BNC2: variants seen among roughly 807,000 people sequenced by gnomAD.
BNC2 encodes basonuclin zinc finger protein 2, also known as zinc finger protein basonuclin-2.
A neutral mutation model predicts 76.3 loss-of-function variants in BNC2; 20 were observed. The observed-to-expected ratio is 0.26, with a 90% CI of 0.18 to 0.38. The LOEUF is 0.38. Ranked by LOEUF, BNC2 falls within the 10% of genes least tolerant of loss-of-function variation. The pLI is 1.00. For missense variants in BNC2, 1,382 were observed against 1,399.8 expected (o/e 0.99, Z 0.20); for synonymous variants, 582 against 514.8 (o/e 1.13, Z -1.77).
intron 3 of BNC2, among the ~76,000 whole-genome samples, chr9:16,699,496 G>C (rs1823444193): frequency 6.6e-6 from 1 of 152,170 alleles, no homozygotes; most frequent in South Asian, 2.1e-4. Context: ...ACTTCTGCAA[G>C]AGTGACACAA....
At chr9:16,628,924 T>C (rs1821078840) in intron 3 of BNC2, among the ~76,000 whole-genome samples, 1 of 152,284 alleles carries the variant, frequency 6.6e-6, no homozygotes, top group South Asian at 2.1e-4. Context: ...CTGAAGGCAA[T>C]AAGTAATTAA....
In BNC2 at chr9:16,412,856, C is replaced by T. The variant is rs1263686884; in HGVS notation, c.*6133G>A. ...AATTTCTCCTTCACAAGGGGATAAA[C>T]AGGCAATTACGCATCCTTTTATATT... On this transcript the variant is annotated 3_prime_UTR_variant, in exon 7 of 7. Transcript: ENST00000380672. The T allele has an allele frequency of 6.6e-6, 1 of 152,496 alleles. No individual in the cohort carries two copies. The highest frequency in any genetic ancestry group is 1.5e-5 in the Non-Finnish European group (1 of 68,036). 9.4% of individuals were successfully genotyped at this position (152,496 alleles called of 1,614,324 possible). A position where few individuals can be genotyped will look rare whatever the true frequency, so the allele number is the denominator to read the frequency against.
At chr9:16,503,196 C>G (rs10119373) in intron 5 of BNC2, among the ~76,000 whole-genome samples, 2,201 of 152,170 alleles carry the variant, frequency 0.014, 53 homozygotes, top group African/African-American at 0.05. Flanking sequence ...CTCCTCCAGC[C>G]CCCTCCCACA....
chr9:16,584,444 C>T lies in BNC2; in HGVS notation c.331-1359G>A, dbSNP rs551936670. On this transcript the variant is annotated intron_variant, in intron 3 of 6. Coordinates refer to ENST00000380672, the MANE Select transcript of BNC2 (RefSeq NM_017637.6). ...AGGCAAGTGTAAAATATTTCTCTTC[C>T]ATTAATTAATATTAAATCTATGGAT... 4.4e-3 allele frequency among the ~76,000 whole-genome samples: 670 copies of T among 152,244 alleles called. 3 individuals are homozygous for T. The highest frequency in any genetic ancestry group is 0.015 in the African/African-American group (629 of 41,552).
chr9:16,453,223 T>G (rs1201223127), intron 5 of BNC2, among the ~76,000 whole-genome samples: 1 of 152,198 alleles, frequency 6.6e-6, no homozygotes, highest in Non-Finnish European at 1.5e-5. Context: ...GAGATACTAT[T>G]ATCAAACCCA....
chr9:16,612,251 CAATT>C (rs1246722880), intron 3 of BNC2, among the ~76,000 whole-genome samples: 1 of 152,074 alleles, frequency 6.6e-6, no homozygotes, highest in Non-Finnish European at 1.5e-5. Context: ...CACAAATAAA[CAATT>C]AATAGAATGG....
At chr9:16,517,507 G>C (rs1817475864) in intron 5 of BNC2, among the ~76,000 whole-genome samples, 1 of 152,162 alleles carries the variant, frequency 6.6e-6, no homozygotes, top group Admixed American at 6.5e-5. Context: ...TTGCCAGAAA[G>C]AAGGGGCAGT....
chr9:16,692,856 G>A (rs1382545634), intron 3 of BNC2, among the ~76,000 whole-genome samples: 4 of 152,088 alleles, frequency 2.6e-5, no homozygotes, highest in African/African-American at 4.8e-5. Flanking sequence ...GGTGCTGGGC[G>A]TCGTGGCTCA....
At chr9:16,517,514 C>A (rs1313501882) in intron 5 of BNC2, among the ~76,000 whole-genome samples, 1 of 152,056 alleles carries the variant, frequency 6.6e-6, no homozygotes, top group African/African-American at 2.4e-5. Flanking sequence ...AAAGAAGGGG[C>A]AGTGGGAGGG....
intron 1 of BNC2, among the ~76,000 whole-genome samples, chr9:16,772,663 T>G (rs1825862210): frequency 6.6e-6 from 1 of 152,180 alleles, no homozygotes; most frequent in South Asian, 2.1e-4. Flanking sequence ...CATTACACAT[T>G]TTTTTAAAGT....
At chr9:16,424,307 A>C (rs897785604) in intron 6 of BNC2, among the ~76,000 whole-genome samples, 1 of 152,082 alleles carries the variant, frequency 6.6e-6, no homozygotes, top group Non-Finnish European at 1.5e-5. Context: ...ATTAGAAAGT[A>C]AGACTGTGGC....
chr9:16,866,058 C>T (rs1819536322), intron 1 of BNC2, among the ~76,000 whole-genome samples: 3 of 152,088 alleles, frequency 2.0e-5, no homozygotes, highest in Admixed American at 2.0e-4. Context: ...ATATTATTTA[C>T]TTAAATGATA....
chr9:16,840,469 C>A (rs1818799510), intron 1 of BNC2, among the ~76,000 whole-genome samples: 1 of 152,186 alleles, frequency 6.6e-6, no homozygotes, highest in African/African-American at 2.4e-5. Context: ...TAAAGCTTGA[C>A]CTTTGCTTCT....
At chr9:16,728,117 G>C (rs1824404111) in intron 2 of BNC2, 120 bp from the exon 3 acceptor site, 1 of 694,470 alleles carries the variant, frequency 1.4e-6, no homozygotes, top group Non-Finnish European at 2.6e-6. Context: ...GGGGGAGGGA[G>C]GGGGTCAGAG....
intron 5 of BNC2, among the ~76,000 whole-genome samples, chr9:16,480,480 G>A (rs1162553777): frequency 2.0e-5 from 3 of 152,228 alleles, no homozygotes; most frequent in African/African-American, 7.2e-5. Flanking sequence ...GCCAGAGCCG[G>A]CTCCCTCGGC....
intron 5 of BNC2, among the ~76,000 whole-genome samples, chr9:16,477,328 T>A (rs907248850): frequency 6.6e-6 from 1 of 152,110 alleles, no homozygotes; most frequent in African/African-American, 2.4e-5. Flanking sequence ...GGGTCTAGTA[T>A]TGGCTTTTAA....
intron 1 of BNC2, among the ~76,000 whole-genome samples, chr9:16,776,330 G>A (rs1188557329): frequency 1.3e-5 from 2 of 152,004 alleles, no homozygotes; most frequent in Non-Finnish European, 2.9e-5. Flanking sequence ...AGTAGAGACG[G>A]GGTTTCACCA....
rs535119758 is a variant in BNC2, at chr9:16,743,434, G to GT, written c.4-4950dup. ...GAAAGAGGACCTTCCATTCTAGAAT[G>GT]TATTCTAGGCCTTCAAAAAGGAATT... On this transcript the variant is annotated intron_variant, in intron 1 of 6. Transcript: ENST00000380672. Among the ~76,000 whole-genome samples the GT allele has an allele frequency of 2.3e-4, 35 of 152,218 alleles. No individual in the cohort carries two copies. In the South Asian group the frequency reaches 5.6e-3, roughly 24 times the overall value.
chr9:16,711,283 C>A (rs746879888), intron 3 of BNC2, among the ~76,000 whole-genome samples: 5 of 151,988 alleles, frequency 3.3e-5, no homozygotes, highest in Non-Finnish European at 7.4e-5. Flanking sequence ...GAAGGGGGGG[C>A]GGTTGTTACA....
Sources: allele counts gnomAD v4.1 joint callset (sites outside exome capture counted in the v4.1 genomes callset), GRCh38; gene constraint gnomAD v4.1.1; transcripts MANE v1.5; gene names NCBI Gene and HGNC (gene_info 2026-07-23, HGNC 2026-07-21).